CSMD1: variants seen among roughly 807,000 people sequenced by gnomAD.
CSMD1 encodes the protein CUB and sushi domain-containing protein 1.
A neutral mutation model predicts 417.5 loss-of-function variants in CSMD1; 213 were observed. The observed-to-expected ratio is 0.51, with a 90% CI of 0.46 to 0.57. CSMD1 has a LOEUF of 0.57. Ranked by LOEUF, CSMD1 falls within the 20% of genes least tolerant of loss-of-function variation. The pLI is 0.00. For missense variants in CSMD1, 6,923 were observed against 4,529.7 expected (o/e 1.53, Z -15.17); for synonymous variants, 2,862 against 1,736.8 (o/e 1.65, Z -16.11).
intron 25 of CSMD1, among the ~76,000 whole-genome samples, chr8:3,297,003 A>T (rs1804021763): frequency 6.6e-6 from 1 of 152,194 alleles, no homozygotes; most frequent in African/African-American, 2.4e-5. Flanking sequence ...GACTGGATGA[A>T]ATCTTCGAAG....
At chr8:3,619,283 A>G (rs946323673) in intron 7 of CSMD1, among the ~76,000 whole-genome samples, 3 of 152,206 alleles carry the variant, frequency 2.0e-5, no homozygotes, top group African/African-American at 7.2e-5. Flanking sequence ...TCTTCAGTCC[A>G]GGTTGATCTC....
intron 3 of CSMD1, among the ~76,000 whole-genome samples, chr8:4,140,765 C>G (rs1220007354): frequency 4.6e-5 from 7 of 150,968 alleles, no homozygotes; most frequent in Non-Finnish European, 7.3e-5. Context: ...TCCTCCCCTC[C>G]AGCTTTGCTC....
intron 3 of CSMD1, among the ~76,000 whole-genome samples, chr8:4,090,098 C>G (rs915325959): frequency 6.6e-6 from 1 of 152,142 alleles, no homozygotes; most frequent in East Asian, 1.9e-4. Flanking sequence ...CTTAAATACA[C>G]CTTTTGCTAT....
intron 57 of CSMD1, 79 bp downstream of exon 57, chr8:2,973,038 T>C: frequency 7.2e-6 from 10 of 1,383,816 alleles, no homozygotes; most frequent in Non-Finnish European, 9.9e-6. Context: ...AGAATTTTTG[T>C]AGAATTTTGC....
chr8:4,158,672 G>C (rs1314943685), intron 3 of CSMD1, among the ~76,000 whole-genome samples: 1 of 152,076 alleles, frequency 6.6e-6, no homozygotes, highest in Non-Finnish European at 1.5e-5. Context: ...CCGTAATAAT[G>C]AGTATTATGG....
chr8:4,258,008 AACAG>A (rs1803583942), intron 3 of CSMD1, among the ~76,000 whole-genome samples: 1 of 152,002 alleles, frequency 6.6e-6, no homozygotes, highest in Non-Finnish European at 1.5e-5. Context: ...TGGATTAAAC[AACAG>A]ACATTTATTT....
At chr8:3,210,546 C>G (rs2161750) in intron 30 of CSMD1, among the ~76,000 whole-genome samples, 85,122 of 144,710 alleles carry the variant, frequency 0.59, 25,234 homozygotes, top group African/African-American at 0.68. Context: ...TACATATATA[C>G]GTGTGTATAT....
intron 42 of CSMD1, among the ~76,000 whole-genome samples, chr8:3,114,074 C>G (rs1816703066): frequency 1.3e-5 from 2 of 151,884 alleles, no homozygotes; most frequent in African/African-American, 4.8e-5. Context: ...AACAAACAAA[C>G]AAACAAACAA....
intron 2 of CSMD1, among the ~76,000 whole-genome samples, chr8:4,534,360 C>T (rs776353823): frequency 7.2e-5 from 11 of 152,238 alleles, no homozygotes; most frequent in African/African-American, 2.7e-4. Flanking sequence ...TGCTATAAAC[C>T]TCTGCCTTTG....
intron 49 of CSMD1, among the ~76,000 whole-genome samples, chr8:3,059,920 T>A (rs1563292354): frequency 1.3e-5 from 2 of 151,094 alleles, no homozygotes; most frequent in South Asian, 2.1e-4. Flanking sequence ...GAGAAAGGAG[T>A]TTTATCTTAG....
At chr8:3,862,054 T>G (rs80317107) in intron 5 of CSMD1, among the ~76,000 whole-genome samples, 2,297 of 152,254 alleles carry the variant, frequency 0.015, 65 homozygotes, top group African/African-American at 0.052. Flanking sequence ...TAAATCAAAG[T>G]TTTCTCTCCC....
At chr8:3,904,273 T>C (rs1010292353) in intron 5 of CSMD1, among the ~76,000 whole-genome samples, 2 of 152,198 alleles carry the variant, frequency 1.3e-5, no homozygotes, top group African/African-American at 4.8e-5. Flanking sequence ...ACCAAACAAA[T>C]CATAGGTTCT....
intron 7 of CSMD1, among the ~76,000 whole-genome samples, chr8:3,668,384 T>C (rs1421716948): frequency 6.6e-6 from 1 of 152,072 alleles, no homozygotes; most frequent in Admixed American, 6.6e-5. Context: ...CCAAATTCTG[T>C]TTTAAATATG....
intron 8 of CSMD1, among the ~76,000 whole-genome samples, chr8:3,587,592 C>T (rs989902205): frequency 3.0e-4 from 45 of 152,076 alleles, no homozygotes; most frequent in African/African-American, 1.0e-3. Context: ...CAAGTAACAT[C>T]GCACCAGCAT....
rs148349953 is a variant in CSMD1 at position 4,361,746 on chromosome 8, G to C, written c.415+58207C>G. On this transcript the variant is annotated intron_variant, in intron 3 of 69. Transcript: ENST00000635120. ...CGAAGTGGGCGGATCACGAGGTCAG[G>C]AGATCGAGACCATCCTGGCTAACAC... is the stretch of plus-strand genomic sequence containing the variant. Among the ~76,000 whole-genome samples the C allele has an allele frequency of 5.6e-3, 845 of 151,738 alleles. 6 individuals are homozygous for C. Among genetic ancestry groups the C allele is most frequent in the African/African-American group, 0.019 (783 of 41,506 alleles).
chr8:3,385,936 G>C (rs1402918380), intron 18 of CSMD1, among the ~76,000 whole-genome samples: 1 of 152,150 alleles, frequency 6.6e-6, no homozygotes, highest in African/African-American at 2.4e-5. Flanking sequence ...GGTAATTTCT[G>C]CCACCATCTG....
At chr8:3,328,726 A>G (rs1489296914) in intron 23 of CSMD1, among the ~76,000 whole-genome samples, 1 of 152,224 alleles carries the variant, frequency 6.6e-6, no homozygotes, top group Non-Finnish European at 1.5e-5. Context: ...CCGACAAGAC[A>G]GTAATAAAAA....
At chr8:4,123,574 A>C (rs1802602728) in intron 3 of CSMD1, among the ~76,000 whole-genome samples, 1 of 152,228 alleles carries the variant, frequency 6.6e-6, no homozygotes, top group Admixed American at 6.5e-5. Flanking sequence ...GAGGAAATTC[A>C]ACGTTAATTT....
intron 6 of CSMD1, among the ~76,000 whole-genome samples, chr8:3,729,312 G>C (rs566806267): frequency 6.6e-6 from 1 of 152,300 alleles, no homozygotes. Flanking sequence ...GGCAGATGCT[G>C]TCTGAGGGTG....
Sources: gnomAD v4.1 joint callset for allele counts (sites outside exome capture counted in the v4.1 genomes callset) on GRCh38, gnomAD v4.1.1 for gene constraint, MANE v1.5 for transcripts, NCBI Gene and HGNC (gene_info 2026-07-23, HGNC 2026-07-21) for gene names.